The following SDHAF3 variants were observed in gnomAD, a reference collection of about 807,000 sequenced individuals.
SDHAF3 encodes succinate dehydrogenase complex assembly factor 3.
SDHAF3 carries 18 observed loss-of-function variants against 11.5 expected under a neutral mutation model. The ratio of observed to expected loss-of-function variants is 1.56; its 90% CI spans 1.08 to 2.32. The LOEUF (loss-of-function observed/expected upper bound fraction) is 2.32, where lower values mean the gene tolerates loss of function less well. Ranked by LOEUF, SDHAF3 falls within the 30% of genes most tolerant of loss-of-function variation. The pLI is 0.00. For missense variants in SDHAF3, 200 were observed against 154.4 expected (o/e 1.30, Z -1.57); for synonymous variants, 72 against 59.3 (o/e 1.21, Z -0.99).
At chr7:97,132,778 T>C (rs1200475014) in intron 1 of SDHAF3, among the ~76,000 whole-genome samples, 1 of 152,138 alleles carries the variant, frequency 6.6e-6, no homozygotes, top group Non-Finnish European at 1.5e-5. Context: ...AGGCTCCCCT[T>C]GGCTTAGAAA....
At chr7:97,162,907 C>T (rs1264175409) in intron 1 of SDHAF3, among the ~76,000 whole-genome samples, 3 of 151,962 alleles carry the variant, frequency 2.0e-5, no homozygotes, top group African/African-American at 7.3e-5. Context: ...TTATTAGATC[C>T]TCTTGGTGCA....
intron 1 of SDHAF3, among the ~76,000 whole-genome samples, chr7:97,174,693 G>T (rs367942086): frequency 1.3e-5 from 2 of 152,240 alleles, no homozygotes; most frequent in African/African-American, 4.8e-5. Flanking sequence ...TTAGATTGAG[G>T]TTGTGCATTA....
chr7:97,128,797 G>A (rs976324017), intron 1 of SDHAF3, among the ~76,000 whole-genome samples: 2 of 152,114 alleles, frequency 1.3e-5, no homozygotes, highest in African/African-American at 4.8e-5. Context: ...TACAACTGAA[G>A]TTTTACATAG....
At chr7:97,148,276 T>C (rs921453096) in intron 1 of SDHAF3, among the ~76,000 whole-genome samples, 1 of 152,216 alleles carries the variant, frequency 6.6e-6, no homozygotes, top group African/African-American at 2.4e-5. Flanking sequence ...GGCTTGCAAC[T>C]ATAATCCTAG....
At chr7:97,159,148 A>C (rs1789356944) in intron 1 of SDHAF3, among the ~76,000 whole-genome samples, 1 of 152,362 alleles carries the variant, frequency 6.6e-6, no homozygotes, top group South Asian at 2.1e-4. Context: ...AGCCTCTATA[A>C]CAAATAATTC....
intron 1 of SDHAF3, among the ~76,000 whole-genome samples, chr7:97,169,328 C>A (rs1789567382): frequency 6.6e-6 from 1 of 151,734 alleles, no homozygotes; most frequent in South Asian, 2.1e-4. Context: ...GTATTAATAT[C>A]ATGATCGTCT....
intron 1 of SDHAF3, among the ~76,000 whole-genome samples, chr7:97,120,413 A>G (rs1395267452): frequency 6.6e-6 from 1 of 152,150 alleles, no homozygotes; most frequent in East Asian, 1.9e-4. Flanking sequence ...GAAGATGCTA[A>G]TGATTGGAGG....
chr7:97,164,146 A>G (rs1789461159), intron 1 of SDHAF3, among the ~76,000 whole-genome samples: 1 of 150,974 alleles, frequency 6.6e-6, no homozygotes, highest in Non-Finnish European at 1.5e-5. Context: ...AGGTTTCACC[A>G]TGTTGGCCAA....
intron 1 of SDHAF3, among the ~76,000 whole-genome samples, chr7:97,152,450 G>A (rs1363581091): frequency 6.6e-6 from 1 of 152,202 alleles, no homozygotes; most frequent in Non-Finnish European, 1.5e-5. Context: ...TCCTGGGTGG[G>A]AGGTCACAAG....
chr7:97,139,301 GGGTA>G (rs1302445904), intron 1 of SDHAF3, among the ~76,000 whole-genome samples: 1 of 152,190 alleles, frequency 6.6e-6, no homozygotes, highest in Non-Finnish European at 1.5e-5. Flanking sequence ...ACCTGAAGGT[GGGTA>G]GTCCCCCACA....
At chr7:97,130,104 T>TCTATTAAAAATATAAAAA (rs1791644068) in intron 1 of SDHAF3, among the ~76,000 whole-genome samples, 2 of 152,080 alleles carry the variant, frequency 1.3e-5, no homozygotes, top group African/African-American at 4.8e-5. Context: ...AAATCTCGTC[T>TCTATTAAAAATATAAAAA]CTATTAAAAA....
intron 1 of SDHAF3, 122 bp downstream of exon 1, chr7:97,118,019 A>G: frequency 8.3e-7 from 1 of 1,205,768 alleles, no homozygotes; most frequent in Non-Finnish European, 1.2e-6. Flanking sequence ...GAAATAGCGT[A>G]ATGCTGTTCA....
intron 1 of SDHAF3, among the ~76,000 whole-genome samples, chr7:97,140,264 T>C (rs1174112627): frequency 1.3e-5 from 2 of 152,118 alleles, no homozygotes; most frequent in Non-Finnish European, 2.9e-5. Flanking sequence ...TGTCAATTCT[T>C]AATTGATTAA....
intron 1 of SDHAF3, among the ~76,000 whole-genome samples, chr7:97,157,738 C>T (rs1789326680): frequency 6.6e-6 from 1 of 152,034 alleles, no homozygotes; most frequent in Admixed American, 6.5e-5. Flanking sequence ...CAATGATAGA[C>T]TGGATTAAGA....
chr7:97,162,310 G>T lies in SDHAF3; in HGVS notation c.175-18702G>T, dbSNP rs549404198. ...TCTTATAAATTTGTTTAAGTTCTTT[G>T]TAGATTCTGGATATTAGCCAGCTCC... On this transcript the variant is annotated intron_variant, in intron 1 of 1. Transcript: ENST00000432641. Among the ~76,000 whole-genome samples the T allele has an allele frequency of 2.6e-5, 4 of 152,038 alleles. No homozygotes were observed. The South Asian group carries it at 8.3e-4, about 32-fold the overall frequency.
In SDHAF3 at chr7:97,181,004, C is replaced by A; in HGVS notation, c.175-8C>A. Reference sequence around the variant, plus strand: ...TACATCTATAACCTTCATTCTTTATCTTTTTAGGTGTATGCAACAGCGTTA... The same window carrying A: ...TACATCTATAACCTTCATTCTTTATATTTTTAGGTGTATGCAACAGCGTTA... On this transcript the variant is annotated splice_region_variant and splice_polypyrimidine_tract_variant and intron_variant, in intron 1 of 1. Coordinates refer to ENST00000432641, the MANE Select transcript of SDHAF3 (RefSeq NM_020186.3). 6.2e-7 allele frequency: 1 copy of A among 1,605,666 alleles called. No homozygotes were observed. The highest frequency in any genetic ancestry group is 1.1e-5 in the South Asian group (1 of 89,422).
chr7:97,167,993 G>C (rs1199288), intron 1 of SDHAF3, among the ~76,000 whole-genome samples: 1 of 152,054 alleles, frequency 6.6e-6, no homozygotes, highest in Non-Finnish European at 1.5e-5. Context: ...AGAGGCCCAC[G>C]TGCACTGGGG....
chr7:97,130,247 C>A (rs114517516), intron 1 of SDHAF3, among the ~76,000 whole-genome samples: 1,689 of 145,066 alleles, frequency 0.012, 32 homozygotes, highest in African/African-American at 0.041. Context: ...ACTCCAGCCT[C>A]GGTGACGGAG....
chr7:97,156,863 G>A (rs1584225906), intron 1 of SDHAF3, among the ~76,000 whole-genome samples: 2 of 152,118 alleles, frequency 1.3e-5, no homozygotes, highest in South Asian at 2.1e-4. Context: ...GGGTACATGC[G>A]CACAACGTGC....
Sources: gnomAD v4.1 joint callset for allele counts (sites outside exome capture counted in the v4.1 genomes callset) on GRCh38, gnomAD v4.1.1 for gene constraint, MANE v1.5 for transcripts, NCBI Gene and HGNC (gene_info 2026-07-23, HGNC 2026-07-21) for gene names.